The following GABRA4 variants were observed in gnomAD, a reference collection of about 807,000 sequenced individuals.
GABRA4 encodes the protein gamma-aminobutyric acid receptor subunit alpha-4.
In GABRA4, 12 loss-of-function variants were observed where a neutral mutation model predicts 49.7. The ratio of observed to expected loss-of-function variants is 0.24; its 90% confidence interval spans 0.15 to 0.39. GABRA4 has a LOEUF of 0.39. GABRA4 is among the 10% of genes least tolerant of loss of function. The probability of loss-of-function intolerance (pLI) is 1.00; values close to 1 mark genes in which losing one functional copy is unlikely to be tolerated. For missense variants in GABRA4, 506 were observed against 686.0 expected (o/e 0.74, Z 2.93); for synonymous variants, 288 against 240.2 (o/e 1.20, Z -1.84).
At chr4:46,942,058 C>T (rs1404327625) in intron 8 of GABRA4, among the ~76,000 whole-genome samples, 1 of 152,122 alleles carries the variant, frequency 6.6e-6, no homozygotes, top group Non-Finnish European at 1.5e-5. Flanking sequence ...AAAGGCATAA[C>T]ATACTTTTAA....
At chr4:46,991,713 G>T (rs927287811) in intron 2 of GABRA4, among the ~76,000 whole-genome samples, 2 of 39,418 alleles carry the variant, frequency 5.1e-5, no homozygotes, top group African/African-American at 7.7e-5. Flanking sequence ...TACTAACTTG[G>T]AACTTGGACT....
At chr4:46,966,661 C>T (rs1344233050) in intron 7 of GABRA4, among the ~76,000 whole-genome samples, 1 of 151,640 alleles carries the variant, frequency 6.6e-6, no homozygotes, top group Non-Finnish European at 1.5e-5. Context: ...TCCAGTTCCT[C>T]ACCAATCCAT....
chr4:46,972,359 A>G (rs1722979277), intron 6 of GABRA4, among the ~76,000 whole-genome samples: 1 of 151,646 alleles, frequency 6.6e-6, no homozygotes, highest in African/African-American at 2.4e-5. Context: ...TTCCTTTTTA[A>G]AAACAAAGAC....
At chr4:46,940,036 C>G (rs565017981) in intron 8 of GABRA4, among the ~76,000 whole-genome samples, 89 of 151,998 alleles carry the variant, frequency 5.9e-4, no homozygotes, top group Non-Finnish European at 1.1e-3. Flanking sequence ...TCTAGCTGAG[C>G]AAAGTTGTAT....
At chr4:46,991,636 C>T (rs1463423130) in intron 2 of GABRA4, among the ~76,000 whole-genome samples, 1 of 152,090 alleles carries the variant, frequency 6.6e-6, no homozygotes, top group African/African-American at 2.4e-5. Context: ...TGATACCATC[C>T]CCATCTGCAC....
intron 8 of GABRA4, among the ~76,000 whole-genome samples, chr4:46,946,685 C>T (rs573677465): frequency 2.2e-4 from 34 of 152,206 alleles, no homozygotes; most frequent in African/African-American, 7.7e-4. Context: ...CCTAGTACAA[C>T]GCCTGGCACA....
At chr4:46,952,302 T>C (rs576416047) in intron 8 of GABRA4, among the ~76,000 whole-genome samples, 27 of 152,184 alleles carry the variant, frequency 1.8e-4, no homozygotes, top group Non-Finnish European at 2.6e-4. Flanking sequence ...AAGTACATGA[T>C]GTATTAGTCA....
At chr4:46,936,214 C>A (rs2109342484) in intron 8 of GABRA4, among the ~76,000 whole-genome samples, 1 of 152,244 alleles carries the variant, frequency 6.6e-6, no homozygotes, top group South Asian at 2.1e-4. Flanking sequence ...AGAAGGGGAT[C>A]TTGTGTACTA....
intron 5 of GABRA4, among the ~76,000 whole-genome samples, chr4:46,974,719 A>C (rs1407606920): frequency 6.6e-6 from 1 of 151,936 alleles, no homozygotes; most frequent in Non-Finnish European, 1.5e-5. Context: ...AAAAGCAGAT[A>C]TATTGAACTC....
chr4:46,965,121 G>A lies in GABRA4; in HGVS notation c.983C>T (p.Ala328Val), dbSNP rs1323522580. The A allele has an allele frequency of 1.2e-6, 2 of 1,612,020 alleles. No homozygotes were observed. The highest frequency in any genetic ancestry group is 1.7e-6 in the Non-Finnish European group (2 of 1,178,824). ...AMDWFIAVCFAFVFSALIEFA... is the reference protein window; with the variant it reads ...AMDWFIAVCFVFVFSALIEFA... ...CTCGATAAGGGCCGAAAATACAAAA[G>A]CAAAGCAGACAGCTATGAACCAGTC... is the stretch of plus-strand genomic sequence containing the variant. The change falls in exon 8 of 9, where the codon GCT becomes GTT. Residue 328 changes from alanine to valine, a missense_variant. Transcript: ENST00000264318.
intron 5 of GABRA4, among the ~76,000 whole-genome samples, chr4:46,976,414 C>T (rs1723142265): frequency 7.4e-6 from 1 of 135,400 alleles, no homozygotes; most frequent in East Asian, 2.3e-4. Flanking sequence ...AAGAAAGCTA[C>T]ACTGTTTTGT....
chr4:46,933,930 C>A (rs1157000922), intron 8 of GABRA4, among the ~76,000 whole-genome samples: 2 of 152,138 alleles, frequency 1.3e-5, no homozygotes, highest in African/African-American at 4.8e-5. Flanking sequence ...AAAGCAGCAA[C>A]AGGCAAACAG....
chr4:46,975,814 C>T (rs1208885579), intron 5 of GABRA4, among the ~76,000 whole-genome samples: 1 of 151,878 alleles, frequency 6.6e-6, no homozygotes, highest in African/African-American at 2.4e-5. Context: ...TTAATTCTGG[C>T]CCCAATGAGA....
chr4:46,955,866 T>TA (rs1722342924), intron 8 of GABRA4, among the ~76,000 whole-genome samples: 1 of 152,078 alleles, frequency 6.6e-6, no homozygotes, highest in Non-Finnish European at 1.5e-5. Context: ...CTAACAAGAT[T>TA]AATAGCCTGT....
rs142872897 is a variant in GABRA4, at chr4:46,928,752, T to G, written c.1138A>C (p.Thr380Pro). The part of the protein sequence containing the change: ...EKHPEAPLQN[T>P]NANLNMRKRT... The stretch of plus-strand genomic sequence containing the variant: ...TTTCTCATGTTCAAATTGGCATTTG[T>G]ATTCTGAAAAGGTATATGAAAAAAT... Residue 380 changes from threonine (T) to proline (P), a missense_variant, in exon 9 of 9, where the codon ACA (threonine) becomes CCA (proline). Transcript: ENST00000264318. 6.2e-7 allele frequency: 1 copy of G among 1,603,876 alleles called. No homozygotes were observed. The highest frequency in any genetic ancestry group is 8.5e-7 in the Non-Finnish European group (1 of 1,172,548).
At chr4:46,993,033 G>A (rs112472467) in intron 1 of GABRA4, 87 bp from the exon 2 acceptor site, 1 of 1,034,274 alleles carries the variant, frequency 9.7e-7, no homozygotes, top group Admixed American at 1.9e-5. Context: ...TTGTTTTCTA[G>A]GGAAAGAGTC....
chr4:46,944,112 G>C (rs1182340381), intron 8 of GABRA4, among the ~76,000 whole-genome samples: 1 of 152,010 alleles, frequency 6.6e-6, no homozygotes, highest in Admixed American at 6.6e-5. Flanking sequence ...AAATTTGCAC[G>C]AAAGTAAACG....
chr4:46,967,379 A>G (rs1179156963), intron 7 of GABRA4, among the ~76,000 whole-genome samples: 1 of 150,528 alleles, frequency 6.6e-6, no homozygotes, highest in Non-Finnish European at 1.5e-5. Context: ...TAATAGGACT[A>G]TTTTTCTTGG....
chr4:46,989,219 TA>T (rs1723653121), intron 2 of GABRA4, among the ~76,000 whole-genome samples: 1 of 152,232 alleles, frequency 6.6e-6, no homozygotes, highest in Non-Finnish European at 1.5e-5. Flanking sequence ...GCAGGTTTCC[TA>T]AACCATTTCC....
Sources: allele counts gnomAD v4.1 joint callset (sites outside exome capture counted in the v4.1 genomes callset), GRCh38; gene constraint gnomAD v4.1.1; transcripts MANE v1.5; gene names NCBI Gene and HGNC (gene_info 2026-07-23, HGNC 2026-07-21).